ADAM19: variants seen among roughly 807,000 people sequenced by gnomAD.
ADAM19 encodes the protein disintegrin and metalloproteinase domain-containing protein 19.
A neutral mutation model predicts 114.7 loss-of-function variants in ADAM19; 65 were observed. The ratio of observed to expected loss-of-function variants is 0.57; its 90% CI spans 0.46 to 0.70. The LOEUF is 0.70. Among genes scored for constraint, ADAM19 ranks in the 30% least tolerant of loss-of-function variants. The pLI is 0.00. For missense variants in ADAM19, 1,063 were observed against 1,204.7 expected (o/e 0.88, Z 1.74); for synonymous variants, 466 against 460.5 (o/e 1.01, Z -0.15).
intron 10 of ADAM19, 123 bp downstream of exon 10, chr5:157,506,933 T>G: frequency 2.4e-6 from 2 of 824,594 alleles, no homozygotes; most frequent in South Asian, 3.3e-5. Flanking sequence ...CAATTGCCCT[T>G]CCTGATGTCA....
chr5:157,575,524 C>A, intron 1 of ADAM19, 79 bp downstream of exon 1: 1 of 1,128,398 alleles, frequency 8.9e-7, no homozygotes, highest in Non-Finnish European at 1.2e-6. Context: ...GGGTCGCGGT[C>A]CCAGCGCTCC....
chr5:157,487,686 C>A (rs1754988458), intron 21 of ADAM19, among the ~76,000 whole-genome samples: 1 of 152,150 alleles, frequency 6.6e-6, no homozygotes, highest in South Asian at 2.1e-4. Flanking sequence ...CTAGACCCCA[C>A]TCTCACCTCC....
Position 157,537,936 on chromosome 5 carries a change from G to A in ADAM19, c.307C>T (p.Gln103Ter). Reference protein sequence around the residue: ...ETHYTSSGNPQTTTRKLEDHC... With the variant: ...ETHYTSSGNP ...ACCTCCAATTTCCGTGTGGTGGTTTGAGGGTTACCACTTGAAGTATAATGG... is the reference window on the plus strand; with the variant it reads ...ACCTCCAATTTCCGTGTGGTGGTTTAAGGGTTACCACTTGAAGTATAATGG... The change falls in exon 4 of 23, where the codon CAA (glutamine) becomes TAA (stop). Residue 103 changes from glutamine (Q) to a stop codon, truncating the protein, a stop_gained. Transcript: ENST00000257527. LOFTEE classifies it high-confidence loss of function. The A allele has an allele frequency of 6.2e-7, 1 of 1,614,068 alleles. No homozygotes were observed. Among genetic ancestry groups the A allele is most frequent in the Non-Finnish European group, 8.5e-7 (1 of 1,179,996 alleles).
In ADAM19 at chr5:157,488,158, T is replaced by A; in HGVS notation, c.2550+107A>T. ...ATTGACTGAATTGCAGAAAAGGCAGTCAGCTCATGACCCCACAAGTTTCAC... is the reference window on the plus strand; with the variant it reads ...ATTGACTGAATTGCAGAAAAGGCAGACAGCTCATGACCCCACAAGTTTCAC... On this transcript the variant is annotated intron_variant, in intron 21 of 22. Coordinates refer to ENST00000257527, the MANE Select transcript of ADAM19 (RefSeq NM_033274.5). The A allele has an allele frequency of 5.2e-6, 6 of 1,153,062 alleles. No individual in the cohort carries two copies. The South Asian group carries it at 8.6e-5, about 17-fold the overall frequency. The allele number at this position is 1,153,062 out of a possible 1,614,324, so 71.4% of individuals were successfully genotyped here.
chr5:157,514,292 A>G (rs1355917437), intron 7 of ADAM19, among the ~76,000 whole-genome samples: 2 of 152,020 alleles, frequency 1.3e-5, no homozygotes, highest in Non-Finnish European at 2.9e-5. Context: ...AAGAATGAGA[A>G]GAATTATGAG....
Position 157,479,179 on chromosome 5 carries a change from G to A in ADAM19, c.*1770C>T. ...GAACCTGTATCACAGCCACCCTGAG[G>A]GAAGAGAAACTCATTTTCCTGAGAT... On this transcript the variant is annotated 3_prime_UTR_variant, in exon 23 of 23. Transcript: ENST00000257527. 5 of 985,832 alleles carry A rather than the reference G, an allele frequency of 5.1e-6. No individual in the cohort carries two copies. Among genetic ancestry groups the A allele is most frequent in the Non-Finnish European group, 6.0e-6 (5 of 829,948 alleles). The allele number at this position is 985,832 out of a possible 1,614,324, so 61.1% of individuals were successfully genotyped here. A position where few individuals can be genotyped will look rare whatever the true frequency, so the allele number is the denominator to read the frequency against.
intron 3 of ADAM19, among the ~76,000 whole-genome samples, chr5:157,540,891 T>G (rs1204570993): frequency 2.0e-5 from 3 of 152,090 alleles, no homozygotes; most frequent in Admixed American, 6.6e-5. Context: ...CATAAAACAA[T>G]CCGCTTTCAT....
At chr5:157,502,386 C>A in intron 12 of ADAM19, among the ~76,000 whole-genome samples, 1 of 152,226 alleles carries the variant, frequency 6.6e-6, no homozygotes, top group East Asian at 1.9e-4. Context: ...TCTCCTCCAG[C>A]CTAAACAGCA....
intron 8 of ADAM19, among the ~76,000 whole-genome samples, chr5:157,511,652 C>T (rs1358044028): frequency 6.6e-6 from 1 of 152,136 alleles, no homozygotes; most frequent in Admixed American, 6.6e-5. Context: ...GTAAACTTGG[C>T]TTTTTTTCAC....
chr5:157,549,301 C>T (rs1757127927), intron 3 of ADAM19, among the ~76,000 whole-genome samples: 1 of 152,192 alleles, frequency 6.6e-6, no homozygotes, highest in African/African-American at 2.4e-5. Flanking sequence ...CACTCAAATC[C>T]TCTGGTAGCC....
At chr5:157,498,486 G>A (rs1051003623) in intron 13 of ADAM19, among the ~76,000 whole-genome samples, 6 of 152,196 alleles carry the variant, frequency 3.9e-5, no homozygotes, top group Non-Finnish European at 5.9e-5. Context: ...GTGATTAAAC[G>A]TGAGTTAGAA....
chr5:157,531,030 GCCA>G (rs1279661262), intron 4 of ADAM19, 147 bp from the exon 5 acceptor site: 2 of 648,222 alleles, frequency 3.1e-6, no homozygotes, highest in Admixed American at 2.5e-5. Context: ...AGCTTTCCAA[GCCA>G]CCATTTCATC....
At chr5:157,570,124 G>A (rs79185024) in intron 2 of ADAM19, among the ~76,000 whole-genome samples, 27 of 152,072 alleles carry the variant, frequency 1.8e-4, no homozygotes, top group Non-Finnish European at 2.4e-4. Flanking sequence ...GCCTGGCTTC[G>A]CAGCACACAC....
At position 157,496,894 on chromosome 5, in the gene ADAM19, C is replaced by A; in HGVS notation, c.1594G>T (p.Gly532Ter). The A allele has an allele frequency of 1.3e-6, 2 of 1,570,928 alleles. No individual in the cohort carries two copies. The highest frequency in any genetic ancestry group is 3.7e-4 in the Middle Eastern group (2 of 5,430). Residue 532 changes from glycine (G) to a stop codon, truncating the protein, a stop_gained and splice_region_variant, in exon 14 of 23, where the codon GGA becomes TGA. Coordinates refer to ENST00000257527, the MANE Select transcript of ADAM19 (RefSeq NM_033274.5). LOFTEE classifies it high-confidence loss of function. ...QEQCQQLWGPGARPAPDLCFE... is the reference protein window; with the variant it reads ...QEQCQQLWGP ...GCCGTGCTCCCCAGGAGAGCCTTAC[C>A]GGGTCCCCACAGCTGCTGGCACTGC...
chr5:157,477,821 G>C lies in ADAM19; in HGVS notation c.*3128C>G. The C allele has an allele frequency of 1.1e-6, 1 of 939,712 alleles. No individual in the cohort carries two copies. The highest frequency in any genetic ancestry group is 1.4e-5 in the South Asian group (1 of 73,262). 58.2% of individuals were successfully genotyped at this position (939,712 alleles called of 1,614,324 possible). ...GGCGTATTGCAGGAGGTGGGGAGGG[G>C]CTATTGCTTCAGGGGGAAGGGACTA... On this transcript the variant is annotated 3_prime_UTR_variant, in exon 23 of 23. Coordinates refer to ENST00000257527, the MANE Select transcript of ADAM19 (RefSeq NM_033274.5).
At chr5:157,533,900 G>A (rs1256739739) in intron 4 of ADAM19, among the ~76,000 whole-genome samples, 7 of 152,048 alleles carry the variant, frequency 4.6e-5, no homozygotes, top group Non-Finnish European at 7.4e-5. Flanking sequence ...CCCAGGAGGC[G>A]GAGGTTGCAG....
rs138089308 is a variant in ADAM19 at position 157,515,265 on chromosome 5, C to A, written c.667-1760G>T. Among the ~76,000 whole-genome samples, 5 of 152,360 alleles carry A rather than the reference C, an allele frequency of 3.3e-5. No homozygotes were observed. The East Asian group carries it at 9.6e-4, about 29-fold the overall frequency. On this transcript the variant is annotated intron_variant, in intron 7 of 22. Transcript: ENST00000257527. Reference sequence around the variant, plus strand: ...TTCTAAATTGGTCTCTCGGCACAGACAGCGTTGCAGCATTTCCATTCATTT... The same window carrying A: ...TTCTAAATTGGTCTCTCGGCACAGAAAGCGTTGCAGCATTTCCATTCATTT...
At chr5:157,525,617 A>G (rs1756430731) in intron 5 of ADAM19, among the ~76,000 whole-genome samples, 1 of 151,986 alleles carries the variant, frequency 6.6e-6, no homozygotes, top group Non-Finnish European at 1.5e-5. Context: ...CACCTTTTGG[A>G]TAGAGTAGGG....
rs757730505 is a variant in ADAM19 at position 157,518,867 on chromosome 5, A to C, written c.622T>G (p.Ser208Ala). ...AGGTAAAGCTCCACATACTTCATGG[A>C]GTTTAAATCTTCCCTTTTCATCTAA... ...PRRMKREDLNSMKYVELYLVA... is the reference protein window; with the variant it reads ...PRRMKREDLNAMKYVELYLVA... The change falls in exon 7 of 23, where the codon TCC (serine) becomes GCC (alanine). Residue 208 changes from serine (S) to alanine (A), a missense_variant. By Grantham distance (99) the Ser-to-Ala change is moderately conservative (BLOSUM62 1). Coordinates refer to ENST00000257527, the MANE Select transcript of ADAM19 (RefSeq NM_033274.5). The C allele has an allele frequency of 3.1e-6, 5 of 1,614,006 alleles. No individual in the cohort carries two copies. Among genetic ancestry groups the C allele is most frequent in the African/African-American group, 1.3e-5 (1 of 75,040 alleles).
Sources: gnomAD v4.1 joint callset for allele counts (sites outside exome capture counted in the v4.1 genomes callset) on GRCh38, gnomAD v4.1.1 for gene constraint, MANE v1.5 for transcripts, NCBI Gene and HGNC (gene_info 2026-07-23, HGNC 2026-07-21) for gene names.